PALM2AKAP2: variants seen among roughly 807,000 people sequenced by gnomAD.
PALM2AKAP2 encodes PALM2 and AKAP2 fusion.
Under a neutral mutation model 71.5 loss-of-function variants are expected in PALM2AKAP2, and 37 were observed. The ratio of observed to expected loss-of-function variants is 0.52; its 90% CI spans 0.40 to 0.68. PALM2AKAP2 has a LOEUF of 0.68. Among genes scored for constraint, PALM2AKAP2 ranks in the 30% least tolerant of loss-of-function variants. PALM2AKAP2 has a pLI of 0.00. For synonymous variants in PALM2AKAP2, 468 were observed against 478.8 expected (o/e 0.98, Z 0.29); for missense variants, 1,224 against 1,191.8 (o/e 1.03, Z -0.40).
At chr9:110,092,805 G>C (rs1442086943) in intron 1 of PALM2AKAP2, among the ~76,000 whole-genome samples, 3 of 152,176 alleles carry the variant, frequency 2.0e-5, no homozygotes, top group Non-Finnish European at 1.5e-5. Flanking sequence ...ACTCTTGCTT[G>C]CTGTATCAAG....
chr9:110,004,121 G>A (rs1160979981), intron 6 of PALM2AKAP2, among the ~76,000 whole-genome samples: 1 of 152,134 alleles, frequency 6.6e-6, no homozygotes, highest in African/African-American at 2.4e-5. Flanking sequence ...TTTCTTTCTA[G>A]CATCGATGGT....
chr9:109,817,215 T>C (rs1436921223), intron 1 of PALM2AKAP2, among the ~76,000 whole-genome samples: 2 of 152,344 alleles, frequency 1.3e-5, no homozygotes, highest in African/African-American at 4.8e-5. Flanking sequence ...AGTTGGCACT[T>C]TGTGGATGTT....
intron 2 of PALM2AKAP2, among the ~76,000 whole-genome samples, chr9:109,870,426 C>G (rs766549330): frequency 4.1e-4 from 63 of 152,320 alleles, no homozygotes; most frequent in South Asian, 8.3e-4. Flanking sequence ...CTCTGTGAGC[C>G]TCTCCAAGGA....
intron 1 of PALM2AKAP2, among the ~76,000 whole-genome samples, chr9:110,055,988 T>C (rs1044527449): frequency 1.3e-5 from 2 of 152,188 alleles, no homozygotes; most frequent in African/African-American, 4.8e-5. Flanking sequence ...GGGCTAGGAC[T>C]GAGCTAGACT....
chr9:109,998,627 G>T lies in PALM2AKAP2; in HGVS notation c.497-17327G>T, dbSNP rs866603173. Among the ~76,000 whole-genome samples the T allele has an allele frequency of 2.0e-4, 27 of 136,238 alleles. 1 individual carries two copies. Among genetic ancestry groups the T allele is most frequent in the African/African-American group, 7.0e-4 (24 of 34,316 alleles). The allele number at this position is 136,238 out of a possible 152,430, so 89.4% of individuals were successfully genotyped here. On this transcript the variant is annotated intron_variant, in intron 6 of 9. Coordinates refer to the PALM2AKAP2 transcript ENST00000302798. ...TAATATGGTACTTTCTGACCAGGGC[G>T]GGGGAGTGGGGAGCCTGTAGTCTCA... is the stretch of plus-strand genomic sequence containing the variant.
At chr9:109,696,413 C>A (rs565185843) in intron 1 of PALM2AKAP2, among the ~76,000 whole-genome samples, 13 of 152,266 alleles carry the variant, frequency 8.5e-5, no homozygotes, top group African/African-American at 3.1e-4. Flanking sequence ...TTCTGTCTAT[C>A]AGATTGACAA....
intron 1 of PALM2AKAP2, chr9:109,847,641 T>G (rs1828900636): frequency 6.6e-6 from 1 of 151,182 alleles, no homozygotes; most frequent in South Asian, 2.1e-4. Flanking sequence ...CTCGGGAGGC[T>G]GAGGCAGGAG....
intron 3 of PALM2AKAP2, among the ~76,000 whole-genome samples, chr9:109,896,476 T>A (rs540581394): frequency 9.9e-5 from 15 of 152,276 alleles, no homozygotes; most frequent in African/African-American, 3.4e-4. Context: ...AGATTCCAAG[T>A]GCGTCCTGTG....
intron 1 of PALM2AKAP2, among the ~76,000 whole-genome samples, chr9:109,764,491 G>A (rs915374028): frequency 6.6e-6 from 1 of 152,104 alleles, no homozygotes; most frequent in Non-Finnish European, 1.5e-5. Context: ...CATCTCCTCT[G>A]AGATGCCTTC....
chr9:109,962,101 C>T (rs1045290129), intron 6 of PALM2AKAP2, among the ~76,000 whole-genome samples: 2 of 152,176 alleles, frequency 1.3e-5, no homozygotes, highest in East Asian at 3.8e-4. Context: ...GAAGCATACC[C>T]GAGACTGTGC....
rs145616638 is a variant in PALM2AKAP2, at chr9:110,156,134, T to C, written c.2570-185T>C. Reference sequence around the variant, plus strand: ...ACTTGGTGTCCTTGAGATCTTTGGATGGGTTTGTGCATTAACCTTAAGTGC... The same window carrying C: ...ACTTGGTGTCCTTGAGATCTTTGGACGGGTTTGTGCATTAACCTTAAGTGC... On this transcript the variant is annotated intron_variant, in intron 2 of 3. Transcript: ENST00000374525. Among the ~76,000 whole-genome samples, 281 of 152,342 alleles carry C rather than the reference T, an allele frequency of 1.8e-3. 3 individuals are homozygous for C. Among genetic ancestry groups the C allele is most frequent in the African/African-American group, 6.6e-3 (276 of 41,584 alleles).
chr9:109,866,400 A>C (rs1404463454), intron 1 of PALM2AKAP2, among the ~76,000 whole-genome samples: 3 of 151,868 alleles, frequency 2.0e-5, no homozygotes, highest in African/African-American at 7.3e-5. Flanking sequence ...TCAGCAAACC[A>C]CTCCTGTACG....
At chr9:109,949,935 A>T (rs1831596267) in intron 6 of PALM2AKAP2, among the ~76,000 whole-genome samples, 1 of 152,062 alleles carries the variant, frequency 6.6e-6, no homozygotes, top group African/African-American at 2.4e-5. Flanking sequence ...TGAAACGGTG[A>T]GTCAGAGCCC....
intron 1 of PALM2AKAP2, among the ~76,000 whole-genome samples, chr9:109,725,874 C>T (rs867224931): frequency 1.3e-5 from 2 of 152,192 alleles, no homozygotes; most frequent in African/African-American, 2.4e-5. Context: ...AGTCTCTCAT[C>T]GTGGCAGCTA....
At chr9:109,860,581 A>G (rs1829283006) in intron 1 of PALM2AKAP2, among the ~76,000 whole-genome samples, 1 of 152,218 alleles carries the variant, frequency 6.6e-6, no homozygotes, top group South Asian at 2.1e-4. Flanking sequence ...TTTATAAGCC[A>G]CAGTAAAATA....
chr9:109,756,869 C>T (rs76378859), intron 1 of PALM2AKAP2, among the ~76,000 whole-genome samples: 9,286 of 152,036 alleles, frequency 0.061, 327 homozygotes, highest in African/African-American at 0.078. Flanking sequence ...ATTTATAGGG[C>T]ACATGTGATA....
intron 1 of PALM2AKAP2, among the ~76,000 whole-genome samples, chr9:109,743,212 A>G (rs1828742871): frequency 1.3e-5 from 2 of 152,194 alleles, no homozygotes. Context: ...AAGCATGTGT[A>G]AAGCTTAACT....
At chr9:109,837,517 C>A (rs1828514680) in intron 1 of PALM2AKAP2, among the ~76,000 whole-genome samples, 1 of 152,174 alleles carries the variant, frequency 6.6e-6, no homozygotes, top group Admixed American at 6.5e-5. Flanking sequence ...GGATCAAATT[C>A]ACACATCATA....
chr9:109,827,672 T>TC (rs1828190894), intron 1 of PALM2AKAP2, among the ~76,000 whole-genome samples: 3 of 151,950 alleles, frequency 2.0e-5, no homozygotes, highest in Admixed American at 2.0e-4. Context: ...GAATCCATTC[T>TC]CCCCCCAGTA....
Sources: allele counts gnomAD v4.1 joint callset (sites outside exome capture counted in the v4.1 genomes callset), GRCh38; gene constraint gnomAD v4.1.1; transcripts MANE v1.5; gene names NCBI Gene and HGNC (gene_info 2026-07-23, HGNC 2026-07-21).